PPP2R2B: variants seen among roughly 807,000 people sequenced by gnomAD.
The protein encoded by PPP2R2B is serine/threonine-protein phosphatase 2A 55 kDa regulatory subunit B beta isoform.
In PPP2R2B, 5 loss-of-function variants were observed where a neutral mutation model predicts 46.0. The observed-to-expected ratio is 0.11, with a 90% CI of 0.06 to 0.23. The LOEUF is 0.23. Among genes scored for constraint, PPP2R2B ranks in the 10% least tolerant of loss-of-function variants. The pLI, the probability that PPP2R2B is intolerant of heterozygous loss-of-function variation, is 1.00. For synonymous variants in PPP2R2B, 215 were observed against 206.7 expected (o/e 1.04, Z -0.34); for missense variants, 367 against 575.0 (o/e 0.64, Z 3.70).
At position 146,628,214 on chromosome 5, in the gene PPP2R2B, G is replaced by A. The variant is rs1476283563; in HGVS notation, c.790+10037C>T. 3.9e-5 allele frequency among the ~76,000 whole-genome samples: 6 copies of A among 152,252 alleles called. No homozygotes were observed. In the East Asian group the frequency reaches 1.2e-3, roughly 29 times the overall value. On this transcript the variant is annotated intron_variant, in intron 7 of 9. Transcript: ENST00000394411. ...CCCGCCTCAGCCTCCTAAAGTTCTGGGATTATAGGTGTAAGCCACTGCACC... is the reference window on the plus strand; with the variant it reads ...CCCGCCTCAGCCTCCTAAAGTTCTGAGATTATAGGTGTAAGCCACTGCACC...
intron 5 of PPP2R2B, among the ~76,000 whole-genome samples, chr5:146,669,318 T>C (rs966067245): frequency 6.6e-6 from 1 of 152,000 alleles, no homozygotes; most frequent in Non-Finnish European, 1.5e-5. Flanking sequence ...GAGTATGAGA[T>C]GGGGGAGGGG....
At chr5:146,929,566 A>T (rs1032905266) in intron 1 of PPP2R2B, among the ~76,000 whole-genome samples, 1 of 152,176 alleles carries the variant, frequency 6.6e-6, no homozygotes, top group Non-Finnish European at 1.5e-5. Flanking sequence ...TGATGGATAT[A>T]ATATACTTAT....
chr5:146,777,759 T>G (rs1448741938), intron 2 of PPP2R2B, among the ~76,000 whole-genome samples: 1 of 152,158 alleles, frequency 6.6e-6, no homozygotes, highest in Non-Finnish European at 1.5e-5. Context: ...AAAGGAAAAG[T>G]GGCCCTTATA....
intron 5 of PPP2R2B, among the ~76,000 whole-genome samples, chr5:146,688,657 T>A (rs1778652113): frequency 6.6e-6 from 1 of 152,110 alleles, no homozygotes; most frequent in African/African-American, 2.4e-5. Flanking sequence ...TTGGCATCAC[T>A]GGCTTGGCAT....
chr5:146,662,868 G>A (rs1581819921), intron 5 of PPP2R2B, among the ~76,000 whole-genome samples: 1 of 151,370 alleles, frequency 6.6e-6, no homozygotes, highest in South Asian at 2.1e-4. Context: ...TAAAAATATG[G>A]GCAAAAATAG....
intron 1 of PPP2R2B, among the ~76,000 whole-genome samples, chr5:146,988,105 A>T (rs1331704097): frequency 6.6e-6 from 1 of 151,990 alleles, no homozygotes; most frequent in African/African-American, 2.4e-5. Flanking sequence ...ACACTAGAGT[A>T]CCTAATTATA....
At chr5:146,637,363 G>A (rs1325117493) in intron 7 of PPP2R2B, among the ~76,000 whole-genome samples, 1 of 152,114 alleles carries the variant, frequency 6.6e-6, no homozygotes. Flanking sequence ...GCATCTAGTG[G>A]GTAAGGCCAC....
At chr5:146,851,187 T>C (rs1760327562) in intron 2 of PPP2R2B, among the ~76,000 whole-genome samples, 1 of 152,168 alleles carries the variant, frequency 6.6e-6, no homozygotes, top group Admixed American at 6.6e-5. Context: ...CTCAGAGATC[T>C]GTTTATTAAG....
chr5:146,936,987 G>T (rs1764165591), intron 1 of PPP2R2B, among the ~76,000 whole-genome samples: 2 of 151,892 alleles, frequency 1.3e-5, no homozygotes. Context: ...TCCATTTGTG[G>T]ATAAAACAAT....
At chr5:146,753,968 C>A (rs1185757700) in intron 2 of PPP2R2B, among the ~76,000 whole-genome samples, 1 of 151,984 alleles carries the variant, frequency 6.6e-6, no homozygotes, top group Non-Finnish European at 1.5e-5. Flanking sequence ...TTAAATCAAG[C>A]AGAATTGTAG....
chr5:147,034,291 T>C (rs930010288), intron 1 of PPP2R2B, among the ~76,000 whole-genome samples: 2 of 152,240 alleles, frequency 1.3e-5, no homozygotes, highest in Non-Finnish European at 2.9e-5. Flanking sequence ...TCTTTCATTA[T>C]CACACTATCC....
chr5:146,689,752 G>A (rs1778726957), intron 5 of PPP2R2B, among the ~76,000 whole-genome samples: 3 of 152,152 alleles, frequency 2.0e-5, no homozygotes. Flanking sequence ...TGCACATTCA[G>A]AGCATCAAGC....
At chr5:146,625,058 A>G (rs1773954797) in intron 7 of PPP2R2B, among the ~76,000 whole-genome samples, 1 of 152,268 alleles carries the variant, frequency 6.6e-6, no homozygotes, top group Non-Finnish European at 1.5e-5. Context: ...TGCCTGGGAC[A>G]TGTGAAGCAA....
intron 1 of PPP2R2B, among the ~76,000 whole-genome samples, chr5:146,968,530 A>T (rs1752536499): frequency 6.6e-6 from 1 of 152,212 alleles, no homozygotes; most frequent in Non-Finnish European, 1.5e-5. Context: ...GAAACTACGA[A>T]GATCTATGTC....
intron 1 of PPP2R2B, among the ~76,000 whole-genome samples, chr5:147,051,651 C>T (rs1206220470): frequency 1.3e-5 from 2 of 150,916 alleles, no homozygotes; most frequent in Admixed American, 6.6e-5. Context: ...TCTTAGATAA[C>T]AATAACAGGC....
intron 1 of PPP2R2B, among the ~76,000 whole-genome samples, chr5:146,926,879 A>G (rs1763798950): frequency 6.6e-6 from 1 of 152,068 alleles, no homozygotes; most frequent in South Asian, 2.1e-4. Context: ...TCTGATCACA[A>G]CTGCAACTTC....
At chr5:146,775,545 T>A (rs178594) in intron 2 of PPP2R2B, among the ~76,000 whole-genome samples, 1 of 152,002 alleles carries the variant, frequency 6.6e-6, no homozygotes, top group Non-Finnish European at 1.5e-5. Context: ...GACAAAGATG[T>A]CTGCTTTTAT....
chr5:146,903,398 T>C (rs1304137376), intron 1 of PPP2R2B, among the ~76,000 whole-genome samples: 1 of 148,352 alleles, frequency 6.7e-6, no homozygotes, highest in Non-Finnish European at 1.5e-5. Flanking sequence ...TCTCTTTTTT[T>C]TTTTTTTTTT....
At chr5:146,735,048 G>C (rs1752454633) in intron 2 of PPP2R2B, among the ~76,000 whole-genome samples, 1 of 152,200 alleles carries the variant, frequency 6.6e-6, no homozygotes, top group Admixed American at 6.5e-5. Flanking sequence ...AGATGAGAGG[G>C]AAAGGAGAGG....
Sources: gnomAD v4.1 joint callset for allele counts (sites outside exome capture counted in the v4.1 genomes callset) on GRCh38, gnomAD v4.1.1 for gene constraint, MANE v1.5 for transcripts, NCBI Gene and HGNC (gene_info 2026-07-23, HGNC 2026-07-21) for gene names.